The following CLPTM1L variants were observed in gnomAD, a reference collection of about 807,000 sequenced individuals.
The protein encoded by CLPTM1L is CLPTM1 like.
CLPTM1L carries 38 observed loss-of-function variants against 70.9 expected under a neutral mutation model. The observed-to-expected ratio is 0.54, with a 90% CI of 0.41 to 0.70. CLPTM1L has a LOEUF of 0.70. Ranked by LOEUF, CLPTM1L falls within the 30% of genes least tolerant of loss-of-function variation. The pLI is 0.00. For synonymous variants in CLPTM1L, 339 were observed against 299.9 expected (o/e 1.13, Z -1.35); for missense variants, 652 against 705.9 (o/e 0.92, Z 0.87).
intron 16 of CLPTM1L, 146 bp downstream of exon 16, chr5:1,320,470 C>A: frequency 2.0e-6 from 1 of 499,450 alleles, no homozygotes; most frequent in Non-Finnish European, 3.6e-6. Context: ...CAAGTTTAGG[C>A]AAGACAGGAA....
intron 2 of CLPTM1L, among the ~76,000 whole-genome samples, chr5:1,343,793 G>C (rs547228407): frequency 6.6e-6 from 1 of 152,264 alleles, no homozygotes; most frequent in Non-Finnish European, 1.5e-5. Flanking sequence ...GGAAATGGTT[G>C]ACTTGTGAGA....
Position 1,337,986 on chromosome 5 carries a change from G to A in CLPTM1L, c.600-4C>T, listed in dbSNP as rs759263015. ...CACGGTTTTCCCCAGCTGGATCCTG[G>A]GATTAAAGCACAACTTTCCAAAGTC... On this transcript the variant is annotated splice_region_variant and splice_polypyrimidine_tract_variant and intron_variant, in intron 4 of 16. Transcript: ENST00000320895. 14 of 1,602,270 alleles carry A rather than the reference G, an allele frequency of 8.7e-6. No individual in the cohort carries two copies. The highest frequency in any genetic ancestry group is 1.1e-5 in the Non-Finnish European group (13 of 1,175,574).
chr5:1,326,026 G>A (rs777802632), intron 9 of CLPTM1L: 135 of 563,680 alleles, frequency 2.4e-4, no homozygotes, highest in Admixed American at 3.7e-4. Flanking sequence ...TGGTCAGGTG[G>A]GCTGCACAGC....
At chr5:1,334,831 T>G (rs1356410122) in intron 6 of CLPTM1L, among the ~76,000 whole-genome samples, 1 of 152,258 alleles carries the variant, frequency 6.6e-6, no homozygotes, top group Non-Finnish European at 1.5e-5. Context: ...ACCAAACTCA[T>G]GGCATTTCAC....
In CLPTM1L at chr5:1,344,945, G is replaced by T; in HGVS notation, c.-104C>A. 2 of 620,172 alleles carry T rather than the reference G, an allele frequency of 3.2e-6. No homozygotes were observed. Among genetic ancestry groups the T allele is most frequent in the Non-Finnish European group, 4.0e-6 (2 of 497,768 alleles). 38.4% of individuals were successfully genotyped at this position (620,172 alleles called of 1,614,324 possible). On this transcript the variant is annotated 5_prime_UTR_variant, in exon 1 of 17. Transcript: ENST00000320895. Reference sequence around the variant, plus strand: ...TCCGGGCTCCGCCGCTCACTGGAGAGCCGCCGCGCGCCACCGCCACCGCCG... The same window carrying T: ...TCCGGGCTCCGCCGCTCACTGGAGATCCGCCGCGCGCCACCGCCACCGCCG...
chr5:1,339,699 G>A (rs1753820096), intron 3 of CLPTM1L, among the ~76,000 whole-genome samples: 1 of 77,536 alleles, frequency 1.3e-5, no homozygotes, highest in Non-Finnish European at 2.4e-5. Flanking sequence ...ACTGTGCCCG[G>A]GACAGCAGAG....
At chr5:1,340,486 C>T (rs1281322052) in intron 3 of CLPTM1L, among the ~76,000 whole-genome samples, 2 of 152,324 alleles carry the variant, frequency 1.3e-5, no homozygotes, top group East Asian at 1.9e-4. Context: ...ACATTACAAA[C>T]GGTTTTCCAC....
chr5:1,335,957 C>T (rs762889817), intron 5 of CLPTM1L, among the ~76,000 whole-genome samples: 1 of 151,306 alleles, frequency 6.6e-6, no homozygotes, highest in African/African-American at 2.5e-5. Flanking sequence ...ACCCGCCACC[C>T]TCCACGTGCT....
At chr5:1,321,529 G>T in intron 15 of CLPTM1L, 106 bp downstream of exon 15, 1 of 983,370 alleles carries the variant, frequency 1.0e-6, no homozygotes, top group Non-Finnish European at 1.6e-6. Context: ...GACAGGTGCA[G>T]ATGCACTCTG....
At chr5:1,332,809 A>G (rs1753186701) in intron 7 of CLPTM1L, among the ~76,000 whole-genome samples, 1 of 152,248 alleles carries the variant, frequency 6.6e-6, no homozygotes, top group African/African-American at 2.4e-5. Flanking sequence ...TATCAAAACC[A>G]TTACATAATA....
intron 13 of CLPTM1L, among the ~76,000 whole-genome samples, chr5:1,322,070 C>T (rs1245938532): frequency 6.6e-6 from 1 of 152,224 alleles, no homozygotes; most frequent in East Asian, 1.9e-4. Context: ...AGTGTAACTG[C>T]TGCCCACGGG....
At chr5:1,330,620 G>A (rs1269278143) in intron 8 of CLPTM1L, 3 of 521,822 alleles carry the variant, frequency 5.7e-6, no homozygotes, top group Non-Finnish European at 1.0e-5. Flanking sequence ...ACAAACACGT[G>A]TCTGAGCCAC....
intron 9 of CLPTM1L, among the ~76,000 whole-genome samples, chr5:1,329,191 T>C (rs1352732391): frequency 1.3e-5 from 2 of 152,248 alleles, no homozygotes; most frequent in African/African-American, 2.4e-5. Flanking sequence ...CCTGAGCTGG[T>C]CTTGCCCCAC....
chr5:1,338,522 T>C (rs978854368), intron 4 of CLPTM1L, among the ~76,000 whole-genome samples: 1 of 152,242 alleles, frequency 6.6e-6, no homozygotes, highest in Non-Finnish European at 1.5e-5. Flanking sequence ...ATCTAAAGAT[T>C]AACTTTTAAG....
chr5:1,335,830 C>T (rs779509758), intron 5 of CLPTM1L, among the ~76,000 whole-genome samples: 2 of 152,176 alleles, frequency 1.3e-5, no homozygotes, highest in Admixed American at 6.5e-5. Flanking sequence ...TTCACAAGCG[C>T]GAGCCCACAC....
chr5:1,344,899 G>A lies in CLPTM1L; in HGVS notation c.-58C>T, dbSNP rs1236920754. 3.9e-5 allele frequency: 38 copies of A among 967,776 alleles called. No homozygotes were observed. Among genetic ancestry groups the A allele is most frequent in the Non-Finnish European group, 4.7e-5 (38 of 808,284 alleles). 59.9% of individuals were successfully genotyped at this position (967,776 alleles called of 1,614,324 possible). A position where few individuals can be genotyped will look rare whatever the true frequency, so the allele number is the denominator to read the frequency against. The stretch of plus-strand genomic sequence containing the variant: ...CGCCTCTCAGCCGCGAGCCCCGCCC[G>A]CCCGGCGCCCAGCCCGCCGCTCCGG... On this transcript the variant is annotated 5_prime_UTR_variant, in exon 1 of 17. Transcript: ENST00000320895.
At position 1,344,364 on chromosome 5, in the gene CLPTM1L, A is replaced by G; in HGVS notation, c.250T>C (p.Ser84Pro). Residue 84 changes from serine (S) to proline (P), a missense_variant, in exon 2 of 17, where the codon TCC becomes CCC. This residue lies in a region of CLPTM1L where 402 missense variants were observed against 388.2 expected (regional missense o/e 1.04). Coordinates refer to ENST00000320895, the MANE Select transcript of CLPTM1L (RefSeq NM_030782.5). ...VLNVEDFDVE[S>P]KFERTVNVSV... The stretch of plus-strand genomic sequence containing the variant: ...CTACGCCCATACCTTTCAAATTTGG[A>G]CTCCACATCAAAGTCTTCCACATTC... 1.2e-6 allele frequency: 2 copies of G among 1,612,584 alleles called. No individual in the cohort carries two copies. The highest frequency in any genetic ancestry group is 1.7e-6 in the Non-Finnish European group (2 of 1,178,814).
At chr5:1,334,512 G>T (rs1216993765) in intron 6 of CLPTM1L, 129 bp from the exon 7 acceptor site, 19 of 621,296 alleles carry the variant, frequency 3.1e-5, no homozygotes, top group Non-Finnish European at 4.5e-5. Flanking sequence ...CCAGCACTTT[G>T]GGAATCTCAG....
intron 13 of CLPTM1L, among the ~76,000 whole-genome samples, chr5:1,322,473 G>C (rs1223426590): frequency 6.6e-6 from 1 of 152,236 alleles, no homozygotes; most frequent in Non-Finnish European, 1.5e-5. Flanking sequence ...GGAACCAGAC[G>C]TGGATGGTGT....
Sources: gnomAD v4.1 joint callset for allele counts (sites outside exome capture counted in the v4.1 genomes callset) on GRCh38, gnomAD v4.1.1 for gene constraint, gnomAD v4.1.1 regional missense constraint, MANE v1.5 for transcripts, NCBI Gene and HGNC (gene_info 2026-07-23, HGNC 2026-07-21) for gene names.